CRPPA: variants seen among roughly 807,000 people sequenced by gnomAD.
CRPPA encodes CDP-L-ribitol pyrophosphorylase A, also known as D-ribitol-5-phosphate cytidylyltransferase.
Under a neutral mutation model 52.0 loss-of-function variants are expected in CRPPA, and 43 were observed. The ratio of observed to expected loss-of-function variants is 0.83; its 90% CI spans 0.65 to 1.07. The LOEUF (loss-of-function observed/expected upper bound fraction) is 1.07, where lower values mean the gene tolerates loss of function less well. Ranked by LOEUF, CRPPA falls within the 50% of genes least tolerant of loss-of-function variation. CRPPA has a pLI of 0.00. For synonymous variants in CRPPA, 250 were observed against 203.5 expected, an observed-to-expected ratio of 1.23 and a Z score of -1.94; for missense variants, 629 against 551.7, an observed-to-expected ratio of 1.14 and a Z score of -1.40.
At chr7:16,326,940 T>A (rs1785407722) in intron 3 of CRPPA, among the ~76,000 whole-genome samples, 1 of 152,188 alleles carries the variant, frequency 6.6e-6, no homozygotes, top group African/African-American at 2.4e-5. Flanking sequence ...CAGTACTCCT[T>A]TTCTGGCTGT....
In CRPPA at chr7:16,152,095, T is replaced by A. The variant is rs11976721; in HGVS notation, c.1252-60296A>T. The stretch of plus-strand genomic sequence containing the variant: ...TTAAATCACCACAAATAGAGAATGA[T>A]TATATATAATCAATGTGAATGTGGT... On this transcript the variant is annotated intron_variant, in intron 9 of 9. Transcript: ENST00000407010. 5.7e-3 allele frequency among the ~76,000 whole-genome samples: 871 copies of A among 152,048 alleles called. 13 individuals carry two copies. The highest frequency in any genetic ancestry group is 0.02 in the African/African-American group (837 of 41,554).
In CRPPA at chr7:16,376,150, C is replaced by G. The variant is rs374054216; in HGVS notation, c.626G>C (p.Arg209Thr). Residue 209 changes from arginine to threonine, a missense_variant, in exon 3 of 10, where the codon AGA becomes ACA. By Grantham distance (71) the Arg-to-Thr change is moderately conservative. Transcript: ENST00000407010. Reference sequence around the variant, plus strand: ...AAAAGCTTGGGGCATTTCACTTGCTCTGTGTCTGGCACGTTCTAGCGAGTA... The same window carrying G: ...AAAAGCTTGGGGCATTTCACTTGCTGTGTGTCTGGCACGTTCTAGCGAGTA... Reference protein sequence around the residue: ...LDYSLERARHRASEMPQAFLF... With the variant: ...LDYSLERARHTASEMPQAFLF... The G allele has an allele frequency of 6.1e-5, 99 of 1,612,976 alleles. No homozygotes were observed. Among genetic ancestry groups the G allele is most frequent in the Non-Finnish European group, 8.0e-5 (94 of 1,179,524 alleles).
intron 9 of CRPPA, among the ~76,000 whole-genome samples, chr7:16,105,967 C>G (rs1005862605): frequency 2.0e-5 from 3 of 152,130 alleles, no homozygotes; most frequent in Non-Finnish European, 2.9e-5. Flanking sequence ...CCCAGAAAGT[C>G]AAACAGTGGC....
At chr7:16,359,020 A>G (rs760653548) in intron 3 of CRPPA, among the ~76,000 whole-genome samples, 5 of 152,254 alleles carry the variant, frequency 3.3e-5, no homozygotes, top group Non-Finnish European at 7.3e-5. Context: ...TTTGTAGTGT[A>G]TGAATGCAAC....
rs187138469 is a variant in CRPPA at position 16,214,444 on chromosome 7, G to A, written c.1251+1622C>T. Among the ~76,000 whole-genome samples the A allele has an allele frequency of 1.4e-4, 21 of 152,134 alleles. No homozygotes were observed. In the East Asian group the frequency reaches 4.1e-3, roughly 29 times the overall value. ...GTAGTGTTTGTCCATGACTCCTTTAGACAACATGAGAAAAAGAACAGATTT... is the reference window on the plus strand; with the variant it reads ...GTAGTGTTTGTCCATGACTCCTTTAAACAACATGAGAAAAAGAACAGATTT... On this transcript the variant is annotated intron_variant, in intron 9 of 9. Coordinates refer to ENST00000407010, the MANE Select transcript of CRPPA (RefSeq NM_001101426.4).
chr7:16,333,342 A>G (rs1425536498), intron 3 of CRPPA, among the ~76,000 whole-genome samples: 2 of 152,240 alleles, frequency 1.3e-5, no homozygotes, highest in Non-Finnish European at 2.9e-5. Context: ...CATATGAAGC[A>G]TTCACCAAGA....
intron 5 of CRPPA, among the ~76,000 whole-genome samples, chr7:16,300,523 C>T (rs1784770276): frequency 6.6e-6 from 1 of 152,122 alleles, no homozygotes; most frequent in South Asian, 2.1e-4. Flanking sequence ...AATAGTGGTT[C>T]TCTATCAGTG....
intron 9 of CRPPA, among the ~76,000 whole-genome samples, chr7:16,204,303 A>G (rs11761915): frequency 0.29 from 43,909 of 152,012 alleles, 6,755 homozygotes; most frequent in East Asian, 0.52. Context: ...ATATAAACCA[A>G]TTAAAATTCT....
At chr7:16,381,490 G>A (rs1302081456) in intron 2 of CRPPA, among the ~76,000 whole-genome samples, 4 of 152,092 alleles carry the variant, frequency 2.6e-5, no homozygotes, top group Admixed American at 2.0e-4. Flanking sequence ...GGAGAGTTCT[G>A]TAGATGTCTA....
chr7:16,172,539 G>C (rs1781210803), intron 9 of CRPPA, among the ~76,000 whole-genome samples: 1 of 152,064 alleles, frequency 6.6e-6, no homozygotes, highest in South Asian at 2.1e-4. Context: ...TTAAACAGAG[G>C]GTTGCCAGTA....
Position 16,229,059 on chromosome 7 carries a change from A to C in CRPPA, c.1120-12862T>G, listed in dbSNP as rs1782723854. Among the ~76,000 whole-genome samples the C allele has an allele frequency of 2.0e-5, 3 of 151,808 alleles. No homozygotes were observed. The South Asian group carries it at 6.2e-4, about 31-fold the overall frequency. On this transcript the variant is annotated intron_variant, in intron 8 of 9. Coordinates refer to ENST00000407010, the MANE Select transcript of CRPPA (RefSeq NM_001101426.4). ...CATTATATAATGACTTTTTATATTT[A>C]TTTGCTAAAAGTATATTTTACCTCA...
chr7:16,294,052 T>C lies in CRPPA; in HGVS notation c.835+7369A>G, dbSNP rs73065159. On this transcript the variant is annotated intron_variant, in intron 5 of 9. Coordinates refer to ENST00000407010, the MANE Select transcript of CRPPA (RefSeq NM_001101426.4). ...TCAACTCAAAATGAAAAGCCTGGTG[T>C]TCTCTACTCATCAGAGCTGTATCAA... 5.9e-3 allele frequency among the ~76,000 whole-genome samples: 899 copies of C among 152,140 alleles called. 4 individuals carry two copies. Among genetic ancestry groups the C allele is most frequent in the Non-Finnish European group, 0.011 (717 of 67,902 alleles).
At chr7:16,365,409 T>A (rs987257843) in intron 3 of CRPPA, among the ~76,000 whole-genome samples, 4 of 152,216 alleles carry the variant, frequency 2.6e-5, no homozygotes, top group Non-Finnish European at 5.9e-5. Context: ...ACATCAGTAC[T>A]TAAGCCTTGC....
intron 2 of CRPPA, among the ~76,000 whole-genome samples, chr7:16,385,842 C>T (rs1036731143): frequency 1.3e-5 from 2 of 152,174 alleles, no homozygotes; most frequent in African/African-American, 2.4e-5. Context: ...ACACTCAAAC[C>T]CCTTATGGGA....
At chr7:16,239,840 G>A (rs1783058466) in intron 8 of CRPPA, among the ~76,000 whole-genome samples, 2 of 152,022 alleles carry the variant, frequency 1.3e-5, no homozygotes. Flanking sequence ...GAAATAAATA[G>A]CAATGCCAAA....
chr7:16,292,032 T>C (rs557276434), intron 5 of CRPPA, among the ~76,000 whole-genome samples: 161 of 152,054 alleles, frequency 1.1e-3, no homozygotes, highest in African/African-American at 3.5e-3. Flanking sequence ...CATGCCTCCC[T>C]AATCACGCAA....
At chr7:16,362,364 AAC>A (rs1157751134) in intron 3 of CRPPA, among the ~76,000 whole-genome samples, 10 of 152,310 alleles carry the variant, frequency 6.6e-5, no homozygotes, top group African/African-American at 2.4e-4. Context: ...GGCAAAAAGG[AAC>A]ACACACAGTG....
intron 9 of CRPPA, among the ~76,000 whole-genome samples, chr7:16,191,915 G>C (rs1259006833): frequency 1.3e-5 from 2 of 152,056 alleles, no homozygotes; most frequent in African/African-American, 4.8e-5. Context: ...CAGAATGCAA[G>C]ATGTACAAAT....
At chr7:16,319,341 A>G (rs182635580) in intron 3 of CRPPA, among the ~76,000 whole-genome samples, 1 of 152,222 alleles carries the variant, frequency 6.6e-6, no homozygotes, top group East Asian at 1.9e-4. Flanking sequence ...ATCTTTTCCA[A>G]CAGACTTGTT....
Sources: allele counts gnomAD v4.1 joint callset (sites outside exome capture counted in the v4.1 genomes callset), GRCh38; gene constraint gnomAD v4.1.1; transcripts MANE v1.5; gene names NCBI Gene and HGNC (gene_info 2026-07-23, HGNC 2026-07-21).